Variants in TAF4 observed in about 807,000 individuals in gnomAD.
The protein encoded by TAF4 is TATA-box binding protein associated factor 4.
A neutral mutation model predicts 90.3 loss-of-function variants in TAF4; 9 were observed. That is an observed-to-expected ratio of 0.10 (90% CI 0.06 to 0.17). The LOEUF (loss-of-function observed/expected upper bound fraction) is 0.17, where lower values mean the gene tolerates loss of function less well. Ranked by LOEUF, TAF4 falls within the 10% of genes least tolerant of loss-of-function variation. TAF4 has a pLI of 1.00. For missense variants in TAF4, 1,351 were observed against 1,370.7 expected, an observed-to-expected ratio of 0.99 and a Z score of 0.23; for synonymous variants, 818 against 638.9, an observed-to-expected ratio of 1.28 and a Z score of -4.23.
intron 14 of TAF4, among the ~76,000 whole-genome samples, chr20:61,988,121 C>T (rs999249273): frequency 3.3e-5 from 5 of 152,092 alleles, no homozygotes; most frequent in African/African-American, 4.8e-5. Context: ...CCACATGATA[C>T]GGTACTGGTG....
At chr20:62,026,439 C>T (rs1386310018) in intron 1 of TAF4, among the ~76,000 whole-genome samples, 3 of 152,262 alleles carry the variant, frequency 2.0e-5, no homozygotes, top group Non-Finnish European at 2.9e-5. Context: ...AATGAAAGTG[C>T]GTGCTCAAGT....
At chr20:62,014,745 AC>A (rs752898129) in intron 1 of TAF4, 38 bp from the exon 2 acceptor site, 86 of 1,604,484 alleles carry the variant, frequency 5.4e-5, no homozygotes, top group Non-Finnish European at 6.9e-5. Context: ...GAACGCAACC[AC>A]CCCAGAGCCA....
intron 1 of TAF4, among the ~76,000 whole-genome samples, chr20:62,016,972 C>CA (rs879282155): frequency 2.0e-3 from 296 of 149,320 alleles, no homozygotes; most frequent in Non-Finnish European, 3.3e-3. Flanking sequence ...CCCATCTTTG[C>CA]AAAAAAAAAA....
rs780410941 is a variant in TAF4 at position 62,010,115 on chromosome 20, C to T, written c.1692G>A (p.Ala564=). The T allele has an allele frequency of 3.7e-6, 6 of 1,613,788 alleles. No individual in the cohort carries two copies. Among genetic ancestry groups the T allele is most frequent in the Non-Finnish European group, 4.2e-6 (5 of 1,180,034 alleles). ...GAGGAGTCCCCGTCTGAACAGCCGT[C>T]GCCGTCCCAAGTGAAGCCGTCTGGG... ...GAAQTASLGT[A]TAVQTGTPQR... The change falls in exon 4 of 15, where the codon GCG becomes GCA. Residue 564 remains alanine, a synonymous_variant. Coordinates refer to ENST00000252996, the MANE Select transcript of TAF4 (RefSeq NM_003185.4). The surrounding 1 kb of genome is among the most constrained non-coding windows in gnomAD (Gnocchi z 4.5).
chr20:62,032,085 G>A (rs1267907095), intron 1 of TAF4, among the ~76,000 whole-genome samples: 1 of 152,214 alleles, frequency 6.6e-6, no homozygotes, highest in East Asian at 1.9e-4. Flanking sequence ...AGCACCTCTG[G>A]AGTCTCCATG....
chr20:62,026,586 C>T (rs759326877), intron 1 of TAF4, among the ~76,000 whole-genome samples: 16 of 152,326 alleles, frequency 1.1e-4, no homozygotes, highest in Non-Finnish European at 2.2e-4. Flanking sequence ...GCCCCCATCT[C>T]CACAAAGCCG....
chr20:61,989,299 G>A (rs944800412), intron 14 of TAF4, among the ~76,000 whole-genome samples: 1 of 77,744 alleles, frequency 1.3e-5, no homozygotes, highest in Non-Finnish European at 2.6e-5. Flanking sequence ...CTCTACTAGA[G>A]GAACCAGGGG....
Position 62,064,650 on chromosome 20 carries a change from G to A in TAF4, c.1161C>T (p.Ala387=), listed in dbSNP as rs768245528. The change falls in exon 1 of 15, where the codon GCC becomes GCT. Residue 387 remains alanine (A), a synonymous_variant. Coordinates refer to ENST00000252996, the MANE Select transcript of TAF4 (RefSeq NM_003185.4). ...TCCCGGGGGCGGGCGGCGGGACGGCGGCCGGGCTGGGCAGCGCCCCTTGCA... is the reference window on the plus strand; with the variant it reads ...TCCCGGGGGCGGGCGGCGGGACGGCAGCCGGGCTGGGCAGCGCCCCTTGCA... ...PTMQGALPSP[A]AVPPPAPGTP... is the part of the protein sequence containing the mutation. The A allele has an allele frequency of 8.4e-6, 11 of 1,316,738 alleles. No individual in the cohort carries two copies. Among genetic ancestry groups the A allele is most frequent in the Non-Finnish European group, 1.1e-5 (11 of 1,040,030 alleles). The allele number at this position is 1,316,738 out of a possible 1,614,324, so 81.6% of individuals were successfully genotyped here.
In TAF4 at chr20:61,976,246, G is replaced by A; in HGVS notation, c.3180C>T (p.Leu1060=). The part of the protein sequence containing the change: ...FTRQRITRVN[L]RDLIFCLENE... ...TTTCTAAACAAAATATGAGGTCCCTGAGGTTGACCCGCGTGATTCTTTGTC... is the reference window on the plus strand; with the variant it reads ...TTTCTAAACAAAATATGAGGTCCCTAAGGTTGACCCGCGTGATTCTTTGTC... The change falls in exon 15 of 15, where the codon CTC becomes CTT. Residue 1060 remains leucine (L), a synonymous_variant. Transcript: ENST00000252996. The A allele has an allele frequency of 6.2e-7, 1 of 1,614,082 alleles. No individual in the cohort carries two copies. The highest frequency in any genetic ancestry group is 8.5e-7 in the Non-Finnish European group (1 of 1,180,042).
chr20:62,023,767 A>AAAG (rs2055858220), intron 1 of TAF4, among the ~76,000 whole-genome samples: 5 of 117,120 alleles, frequency 4.3e-5, no homozygotes, highest in African/African-American at 1.6e-4. Flanking sequence ...AAAAAAAAAA[A>AAAG]AAAGAAAGAA....
intron 14 of TAF4, 64 bp downstream of exon 14, chr20:61,997,486 G>C: frequency 7.0e-7 from 1 of 1,427,620 alleles, no homozygotes; most frequent in Non-Finnish European, 9.2e-7. Context: ...TCCCCTAGAA[G>C]AGGGTGGCTC....
chr20:62,054,148 T>C (rs2056047164), intron 1 of TAF4, among the ~76,000 whole-genome samples: 1 of 152,182 alleles, frequency 6.6e-6, no homozygotes, highest in Admixed American at 6.5e-5. Flanking sequence ...GCTTTAGTGG[T>C]TTTAAGTTGT....
In TAF4 at chr20:61,998,895, A is replaced by C; in HGVS notation, c.2913+88T>G. On this transcript the variant is annotated intron_variant, in intron 12 of 14. Transcript: ENST00000252996. ...GGCCAGCCCAAAACATGCTCTGACCACCCAAAACCCCACTGTCTCAGTGAG... is the reference window on the plus strand; with the variant it reads ...GGCCAGCCCAAAACATGCTCTGACCCCCCAAAACCCCACTGTCTCAGTGAG... The C allele has an allele frequency of 5.8e-6, 9 of 1,540,852 alleles. No homozygotes were observed. The South Asian group carries it at 8.4e-5, about 14-fold the overall frequency.
chr20:62,045,667 T>A (rs2055989262), intron 1 of TAF4, among the ~76,000 whole-genome samples: 1 of 152,230 alleles, frequency 6.6e-6, no homozygotes, highest in African/African-American at 2.4e-5. Flanking sequence ...GCCTTGTTTG[T>A]GAGTGTAAGG....
Position 62,003,259 on chromosome 20 carries a change from G to T in TAF4, c.2387C>A (p.Pro796His). Residue 796 changes from proline (P) to histidine (H), a missense_variant, in exon 9 of 15, where the codon CCC becomes CAC. Pro to His is a moderately conservative substitution (Grantham distance 77). Coordinates refer to ENST00000252996, the MANE Select transcript of TAF4 (RefSeq NM_003185.4). ...GGCTTTGGTTCCAGGTAACACGGCG[G>T]GTTTCACCACAGGGACTACAAAACA... ...NPLQPVPVVK[P>H]AVLPGTKALS... The T allele has an allele frequency of 3.1e-6, 5 of 1,614,056 alleles. No homozygotes were observed. Among genetic ancestry groups the T allele is most frequent in the Non-Finnish European group, 4.2e-6 (5 of 1,179,990 alleles).
chr20:62,043,907 G>A (rs77449996), intron 1 of TAF4, among the ~76,000 whole-genome samples: 4,198 of 152,264 alleles, frequency 0.028, 199 homozygotes, highest in African/African-American at 0.096. Context: ...ATAATTCCAG[G>A]AAGTATTTCT....
intron 7 of TAF4, 46 bp from the exon 8 acceptor site, chr20:62,003,924 C>G: frequency 6.6e-7 from 1 of 1,507,172 alleles, no homozygotes; most frequent in Non-Finnish European, 8.8e-7. Context: ...CCCCGAGGGC[C>G]AGGGGCCACT....
chr20:62,010,127 T>G lies in TAF4; in HGVS notation c.1680A>C (p.Ser560=), dbSNP rs541073391. Residue 560 remains serine (S), a synonymous_variant, in exon 4 of 15, where the codon TCA becomes TCC. Transcript: ENST00000252996. This position sits in a 1 kb window ranked among gnomAD's most constrained non-coding sequence, Gnocchi z 4.5. ...LVLGGAAQTA[S]LGTATAVQTG... ...TCTGAACAGCCGTCGCCGTCCCAAG[T>G]GAAGCCGTCTGGGCAGCGCCACCCA... 4 of 1,613,792 alleles carry G rather than the reference T, an allele frequency of 2.5e-6. No individual in the cohort carries two copies. In the South Asian group the frequency reaches 4.4e-5, roughly 18 times the overall value.
In TAF4 at chr20:62,065,001, C is replaced by T; in HGVS notation, c.810G>A (p.Pro270=). ...TGGCGGGCGCGGGGGGTGGCGGGGGCGGGGCGGCGGCGGGGGCGGCGGGCG... is the reference window on the plus strand; with the variant it reads ...TGGCGGGCGCGGGGGGTGGCGGGGGTGGGGCGGCGGCGGGGGCGGCGGGCG... ...APAPAAPAAA[P]PPPPPAPATL... Residue 270 remains proline, a synonymous_variant, in exon 1 of 15, where the codon CCG becomes CCA. Coordinates refer to ENST00000252996, the MANE Select transcript of TAF4 (RefSeq NM_003185.4). 1 of 145,982 alleles carries T rather than the reference C, an allele frequency of 6.9e-6. No individual in the cohort carries two copies. Among genetic ancestry groups the T allele is most frequent in the Non-Finnish European group, 8.3e-6 (1 of 120,658 alleles). 9.0% of individuals were successfully genotyped at this position (145,982 alleles called of 1,614,324 possible). A position where few individuals can be genotyped will look rare whatever the true frequency, so the allele number is the denominator to read the frequency against.
Sources: allele counts gnomAD v4.1 joint callset (sites outside exome capture counted in the v4.1 genomes callset), GRCh38; gene constraint gnomAD v4.1.1; non-coding constraint Gnocchi (gnomAD v3.1); transcripts MANE v1.5; gene names NCBI Gene and HGNC (gene_info 2026-07-23, HGNC 2026-07-21).